The following FLVCR2 variants were observed in gnomAD, a reference collection of about 807,000 sequenced individuals.
FLVCR2 encodes FLVCR choline and putative heme transporter 2.
Under a neutral mutation model 48.9 loss-of-function variants are expected in FLVCR2, and 38 were observed. The ratio of observed to expected loss-of-function variants is 0.78; its 90% CI spans 0.60 to 1.02. FLVCR2 has a LOEUF of 1.02. Among genes scored for constraint, FLVCR2 ranks in the 50% least tolerant of loss-of-function variants. The pLI is 0.00. For missense variants in FLVCR2, 664 were observed against 663.3 expected (o/e 1.00, Z -0.01); for synonymous variants, 255 against 257.0 (o/e 0.99, Z 0.07).
chr14:75,605,163 C>T (rs558428321), intron 1 of FLVCR2, among the ~76,000 whole-genome samples: 23 of 152,306 alleles, frequency 1.5e-4, no homozygotes, highest in African/African-American at 4.3e-4. Context: ...TGAACTCCCC[C>T]CAAGCCTCAA....
chr14:75,644,912 A>C (rs541001171), intron 9 of FLVCR2, among the ~76,000 whole-genome samples: 34 of 152,136 alleles, frequency 2.2e-4, no homozygotes, highest in Non-Finnish European at 4.6e-4. Flanking sequence ...TGAACATCTT[A>C]CTGGTTTGGG....
chr14:75,605,118 A>G (rs966053594), intron 1 of FLVCR2, among the ~76,000 whole-genome samples: 26 of 152,140 alleles, frequency 1.7e-4, no homozygotes, highest in African/African-American at 5.3e-4. Context: ...ATCTTTTTCC[A>G]ACAATGCTGT....
At chr14:75,589,035 C>T (rs879364983) in intron 1 of FLVCR2, among the ~76,000 whole-genome samples, 1 of 151,844 alleles carries the variant, frequency 6.6e-6, no homozygotes, top group Non-Finnish European at 1.5e-5. Context: ...TAACAAGAAC[C>T]AGCCTGGACA....
chr14:75,637,192 G>T (rs995937994), intron 5 of FLVCR2, among the ~76,000 whole-genome samples: 1 of 152,220 alleles, frequency 6.6e-6, no homozygotes, highest in Admixed American at 6.5e-5. Flanking sequence ...TATTCAGCTG[G>T]TGACTTTGGA....
intron 1 of FLVCR2, among the ~76,000 whole-genome samples, chr14:75,616,814 A>C (rs1175774978): frequency 6.6e-6 from 1 of 152,228 alleles, no homozygotes; most frequent in East Asian, 1.9e-4. Flanking sequence ...GGCTTGGGTC[A>C]AGAGGATAAG....
rs377431432 is a variant in FLVCR2 at position 75,640,980 on chromosome 14, C to G, written c.1261C>G (p.Leu421Val). The change falls in exon 7 of 10, where the codon CTG becomes GTG. Residue 421 changes from leucine (L) to valine (V), a missense_variant. Coordinates refer to ENST00000238667, the MANE Select transcript of FLVCR2 (RefSeq NM_017791.3). ...CTTCTTTATGACTGGCTATCTCCCACTGGGATTTGAGTTTGCTGTGGAGCT... is the reference window on the plus strand; with the variant it reads ...CTTCTTTATGACTGGCTATCTCCCAGTGGGATTTGAGTTTGCTGTGGAGCT... ...MGFFMTGYLP[L>V]GFEFAVELTY... 6 of 1,614,062 alleles carry G rather than the reference C, an allele frequency of 3.7e-6. No homozygotes were observed. The highest frequency in any genetic ancestry group is 1.7e-5 in the Admixed American group (1 of 60,030).
chr14:75,613,304 T>A (rs942140073), intron 1 of FLVCR2, among the ~76,000 whole-genome samples: 7 of 151,836 alleles, frequency 4.6e-5, no homozygotes, highest in African/African-American at 1.7e-4. Flanking sequence ...CCAATCATGG[T>A]GAAAGGCAAT....
chr14:75,635,041 A>C lies in FLVCR2; in HGVS notation c.1124+28A>C, dbSNP rs1188288070. On this transcript the variant is annotated intron_variant, in intron 5 of 9. Coordinates refer to ENST00000238667, the MANE Select transcript of FLVCR2 (RefSeq NM_017791.3). ...AAGTGACTCATCCTCTTGGACTGAG[A>C]ATTGGGGACCTGTTTTTTGAAATGA... 4.2e-6 allele frequency: 6 copies of C among 1,419,162 alleles called. No individual in the cohort carries two copies. The African/African-American group carries it at 8.4e-5, about 20-fold the overall frequency. 87.9% of individuals were successfully genotyped at this position (1,419,162 alleles called of 1,614,324 possible).
intron 4 of FLVCR2, 37 bp from the exon 5 acceptor site, chr14:75,634,873 C>T: frequency 1.4e-6 from 2 of 1,436,568 alleles, no homozygotes; most frequent in Non-Finnish European, 2.0e-6. Flanking sequence ...GGTCTTGTCC[C>T]ATCGCCGGGT....
At chr14:75,629,486 T>C (rs1954630851) in intron 3 of FLVCR2, among the ~76,000 whole-genome samples, 2 of 152,184 alleles carry the variant, frequency 1.3e-5, no homozygotes, top group Non-Finnish European at 2.9e-5. Context: ...ATTCCACCTG[T>C]CTGCCAGTGT....
rs999786838 is a variant in FLVCR2, at chr14:75,646,550, G to A, written c.*78G>A. The A allele has an allele frequency of 9.9e-7, 1 of 1,013,730 alleles. No homozygotes were observed. Among genetic ancestry groups the A allele is most frequent in the Non-Finnish European group, 1.6e-6 (1 of 641,576 alleles). The allele number at this position is 1,013,730 out of a possible 1,614,324, so 62.8% of individuals were successfully genotyped here. A position where few individuals can be genotyped will look rare whatever the true frequency, so the allele number is the denominator to read the frequency against. ...CACAGCTCTCACCGCCAGCACAAAG[G>A]GCTTCGCTAGAGATGTTTTTGGAGG... On this transcript the variant is annotated 3_prime_UTR_variant, in exon 10 of 10. Transcript: ENST00000238667.
chr14:75,639,476 CT>C lies in FLVCR2; in HGVS notation c.1235+15del, dbSNP rs1890254764. The C allele has an allele frequency of 6.5e-7, 1 of 1,544,418 alleles. No homozygotes were observed. Among genetic ancestry groups the C allele is most frequent in the Admixed American group, 1.7e-5 (1 of 59,900 alleles). ...TGGCACAATGGGGTAAGTTTCACCT[CT>C]GGCTGATTTATTAGAAAATACCATG... On this transcript the variant is annotated intron_variant, in intron 6 of 9. Coordinates refer to ENST00000238667, the MANE Select transcript of FLVCR2 (RefSeq NM_017791.3).
Position 75,641,221 on chromosome 14 carries a change from A to G in FLVCR2, c.1381A>G (p.Ile461Val), listed in dbSNP as rs1890301917. 1 of 1,613,912 alleles carries G rather than the reference A, an allele frequency of 6.2e-7. No homozygotes were observed. The highest frequency in any genetic ancestry group is 8.5e-7 in the Non-Finnish European group (1 of 1,179,934). Reference sequence around the variant, plus strand: ...CTTTACCATCTCCCAGGGCCAGATTATTGACAACTATGGAACCAAGCCTGG... The same window carrying G: ...CTTTACCATCTCCCAGGGCCAGATTGTTGACAACTATGGAACCAAGCCTGG... Reference protein sequence around the residue: ...IIFTISQGQIIDNYGTKPGNI... With the variant: ...IIFTISQGQIVDNYGTKPGNI... The change falls in exon 8 of 10, where the codon ATT (isoleucine) becomes GTT (valine). Residue 461 changes from isoleucine to valine, a missense_variant. Ile to Val is a conservative substitution (Grantham distance 29). Transcript: ENST00000238667.
chr14:75,627,893 T>G (rs973913861), intron 3 of FLVCR2, among the ~76,000 whole-genome samples: 1 of 152,236 alleles, frequency 6.6e-6, no homozygotes, highest in Non-Finnish European at 1.5e-5. Context: ...GAAAAAATTT[T>G]TGACGGAGGA....
intron 9 of FLVCR2, among the ~76,000 whole-genome samples, chr14:75,645,027 GGGCGT>G (rs1890385546): frequency 7.6e-5 from 10 of 131,614 alleles, no homozygotes; most frequent in Admixed American, 6.7e-4. Flanking sequence ...TGGAGGAGGC[GGGCGT>G]GGTGTGTGTG....
intron 1 of FLVCR2, among the ~76,000 whole-genome samples, chr14:75,609,233 A>C (rs770717007): frequency 6.6e-6 from 1 of 152,172 alleles, no homozygotes; most frequent in Non-Finnish European, 1.5e-5. Flanking sequence ...GTTCTTGTAG[A>C]GTTCACATTG....
intron 1 of FLVCR2, among the ~76,000 whole-genome samples, chr14:75,614,036 C>T (rs1466279524): frequency 2.0e-5 from 3 of 152,212 alleles, no homozygotes. Context: ...TAGATATACA[C>T]ATTTACCTAA....
chr14:75,631,891 A>G (rs1890049549), intron 3 of FLVCR2: 2 of 454,848 alleles, frequency 4.4e-6, no homozygotes, highest in South Asian at 3.1e-5. Context: ...CCTCATGATC[A>G]TTGCAACCAT....
chr14:75,639,013 G>A (rs560193773), intron 5 of FLVCR2, among the ~76,000 whole-genome samples: 2 of 152,236 alleles, frequency 1.3e-5, no homozygotes, highest in African/African-American at 4.8e-5. Flanking sequence ...TCAGGAGTTC[G>A]ATACCAGCCT....
Sources: gnomAD v4.1 joint callset for allele counts (sites outside exome capture counted in the v4.1 genomes callset) on GRCh38, gnomAD v4.1.1 for gene constraint, MANE v1.5 for transcripts, NCBI Gene and HGNC (gene_info 2026-07-23, HGNC 2026-07-21) for gene names.